The following PLCB1 variants were observed in gnomAD, a reference collection of about 807,000 sequenced individuals.
The protein encoded by PLCB1 is 1-phosphatidylinositol 4,5-bisphosphate phosphodiesterase beta-1.
Under a neutral mutation model 161.8 loss-of-function variants are expected in PLCB1, and 46 were observed. The ratio of observed to expected loss-of-function variants is 0.28; its 90% CI spans 0.22 to 0.36. PLCB1 has a LOEUF of 0.36. PLCB1 is among the 10% of genes least tolerant of loss of function. The pLI is 1.00. For synonymous variants in PLCB1, 517 were observed against 503.7 expected (o/e 1.03, Z -0.35); for missense variants, 1,016 against 1,472.5 (o/e 0.69, Z 5.07).
intron 2 of PLCB1, among the ~76,000 whole-genome samples, chr20:8,230,069 A>AG (rs1004172885): frequency 1.8e-4 from 26 of 144,092 alleles, no homozygotes; most frequent in Non-Finnish European, 3.8e-4. Flanking sequence ...AAAAAAAAAA[A>AG]AAAAAAAAAA....
intron 3 of PLCB1, among the ~76,000 whole-genome samples, chr20:8,468,145 G>C (rs1258389968): frequency 6.6e-6 from 1 of 152,160 alleles, no homozygotes; most frequent in African/African-American, 2.4e-5. Flanking sequence ...TCAGAATAGA[G>C]TTTTCCCCTG....
chr20:8,714,173 G>A (rs533862143), intron 12 of PLCB1, among the ~76,000 whole-genome samples: 1 of 152,186 alleles, frequency 6.6e-6, no homozygotes, highest in East Asian at 1.9e-4. Context: ...TTATGATGCA[G>A]ACTCCTGGAC....
At chr20:8,623,217 C>G (rs1470228538) in intron 3 of PLCB1, among the ~76,000 whole-genome samples, 2 of 152,040 alleles carry the variant, frequency 1.3e-5, no homozygotes, top group Non-Finnish European at 2.9e-5. Flanking sequence ...CAAGAACAAC[C>G]AAACTTTTAG....
At chr20:8,371,241 TATAAGAGGAAAGA>T (rs1312895037) in intron 2 of PLCB1, 128 bp from the exon 3 acceptor site, 1 of 581,914 alleles carries the variant, frequency 1.7e-6, no homozygotes. Flanking sequence ...TGAGAAGTGA[TATAAGAGGAAAGA>T]AATATCCCAA....
rs140993469 is a variant in PLCB1, at chr20:8,324,927, G to A, written c.178-46455G>A. Among the ~76,000 whole-genome samples, 409 of 152,314 alleles carry A rather than the reference G, an allele frequency of 2.7e-3. 3 individuals carry two copies. The highest frequency in any genetic ancestry group is 9.1e-3 in the African/African-American group (378 of 41,582). On this transcript the variant is annotated intron_variant, in intron 2 of 31. Coordinates refer to ENST00000338037, the MANE Select transcript of PLCB1 (RefSeq NM_015192.4). ...ATGGATTTTTCCATGTGGGAATAAC[G>A]TCTAAGTAATTTTCCAAGAATGAAA...
chr20:8,664,398 CT>C (rs1223358111), intron 9 of PLCB1, among the ~76,000 whole-genome samples: 1 of 151,918 alleles, frequency 6.6e-6, no homozygotes. Context: ...AGTGCTTTAG[CT>C]TTTTTTCCTT....
chr20:8,415,753 C>T lies in PLCB1; in HGVS notation c.246+44303C>T, dbSNP rs553968315. Among the ~76,000 whole-genome samples, 6 of 152,238 alleles carry T rather than the reference C, an allele frequency of 3.9e-5. No homozygotes were observed. The East Asian group carries it at 1.2e-3, about 29-fold the overall frequency. The stretch of plus-strand genomic sequence containing the variant: ...AGGACACCAACAGGGTCTTGTACAC[C>T]ATAATAGGAATTGCTTATGTAATGG... On this transcript the variant is annotated intron_variant, in intron 3 of 31. Coordinates refer to ENST00000338037, the MANE Select transcript of PLCB1 (RefSeq NM_015192.4).
intron 31 of PLCB1, among the ~76,000 whole-genome samples, chr20:8,877,715 A>T (rs1239274130): frequency 1.3e-5 from 2 of 152,232 alleles, no homozygotes; most frequent in Admixed American, 6.5e-5. Flanking sequence ...ATATTTTCTT[A>T]CAATGAACAA....
intron 2 of PLCB1, among the ~76,000 whole-genome samples, chr20:8,199,503 T>C (rs1019738582): frequency 6.6e-6 from 1 of 152,196 alleles, no homozygotes. Context: ...AATATATCCA[T>C]GTAGCCTCTA....
intron 2 of PLCB1, among the ~76,000 whole-genome samples, chr20:8,291,469 C>T (rs1332396866): frequency 1.3e-5 from 2 of 152,100 alleles, no homozygotes; most frequent in Non-Finnish European, 2.9e-5. Flanking sequence ...TTGTGGAAGC[C>T]CAGGAGCAAC....
chr20:8,283,977 T>C lies in PLCB1; in HGVS notation c.178-87405T>C, dbSNP rs146276133. Among the ~76,000 whole-genome samples, 1,379 of 152,162 alleles carry C rather than the reference T, an allele frequency of 9.1e-3. 11 individuals carry two copies. Among genetic ancestry groups the C allele is most frequent in the Non-Finnish European group, 0.014 (930 of 67,960 alleles). The stretch of plus-strand genomic sequence containing the variant: ...ACTTATCTTTAACCATGGTGAAATA[T>C]TTTCCCAGGTTTGAGTTAGTCTTTT... On this transcript the variant is annotated intron_variant, in intron 2 of 31. Transcript: ENST00000338037.
intron 3 of PLCB1, among the ~76,000 whole-genome samples, chr20:8,596,161 C>G (rs1358503800): frequency 6.6e-6 from 1 of 150,730 alleles, no homozygotes; most frequent in East Asian, 2.0e-4. Flanking sequence ...GTGTTTTGGA[C>G]ATGAAGTCCT....
chr20:8,621,871 A>G (rs1199147859), intron 3 of PLCB1, among the ~76,000 whole-genome samples: 2 of 152,344 alleles, frequency 1.3e-5, no homozygotes, highest in East Asian at 1.9e-4. Flanking sequence ...GAATAACAAT[A>G]GCTATTTCTC....
chr20:8,144,858 G>C (rs1028346360), intron 1 of PLCB1, among the ~76,000 whole-genome samples: 4 of 152,152 alleles, frequency 2.6e-5, no homozygotes, highest in African/African-American at 9.7e-5. Context: ...GTATCGATTA[G>C]TTTAGACGTG....
chr20:8,721,722 T>G (rs1568573124), intron 14 of PLCB1, among the ~76,000 whole-genome samples: 2 of 152,194 alleles, frequency 1.3e-5, no homozygotes, highest in Non-Finnish European at 2.9e-5. Flanking sequence ...CAAATAAGCT[T>G]GCAGACAAAT....
intron 7 of PLCB1, among the ~76,000 whole-genome samples, chr20:8,654,972 C>A (rs1231188892): frequency 1.3e-5 from 2 of 152,018 alleles, no homozygotes; most frequent in African/African-American, 4.8e-5. Flanking sequence ...CACCTACTAA[C>A]CCCAAAGACT....
intron 3 of PLCB1, among the ~76,000 whole-genome samples, chr20:8,558,158 G>A (rs1226051178): frequency 5.9e-5 from 9 of 151,752 alleles, no homozygotes. Context: ...TTTTAAAATA[G>A]CTAAAAGCAT....
At chr20:8,147,358 A>G (rs2051463828) in intron 1 of PLCB1, among the ~76,000 whole-genome samples, 1 of 152,196 alleles carries the variant, frequency 6.6e-6, no homozygotes, top group Admixed American at 6.5e-5. Context: ...TAAAATATAG[A>G]CCATCTGAGA....
intron 31 of PLCB1, among the ~76,000 whole-genome samples, chr20:8,843,864 G>GA (rs541183411): frequency 4.9e-4 from 74 of 151,896 alleles, no homozygotes; most frequent in African/African-American, 1.7e-3. Context: ...CACTGCTGGG[G>GA]AAAAAAAAGA....
Sources: gnomAD v4.1 joint callset for allele counts (sites outside exome capture counted in the v4.1 genomes callset) on GRCh38, gnomAD v4.1.1 for gene constraint, MANE v1.5 for transcripts, NCBI Gene and HGNC (gene_info 2026-07-23, HGNC 2026-07-21) for gene names.